Variants in KLHL32 observed in about 807,000 individuals in gnomAD.
The protein encoded by KLHL32 is kelch like family member 32, also known as kelch-like protein 32.
In KLHL32, 35 loss-of-function variants were observed where a neutral mutation model predicts 64.8. That is an observed-to-expected ratio of 0.54 (90% CI 0.41 to 0.72). The LOEUF (loss-of-function observed/expected upper bound fraction) is 0.72. Among genes scored for constraint, KLHL32 ranks in the 30% least tolerant of loss-of-function variants. The pLI, the probability that KLHL32 is intolerant of heterozygous loss-of-function variation, is 0.00. For missense variants in KLHL32, 589 were observed against 768.5 expected, an observed-to-expected ratio of 0.77 and a Z score of 2.76; for synonymous variants, 259 against 281.0, an observed-to-expected ratio of 0.92 and a Z score of 0.78.
the KLHL32 span, among the ~76,000 whole-genome samples, chr6:96,909,641 G>C: frequency 6.6e-6 from 1 of 152,180 alleles, no homozygotes; most frequent in South Asian, 2.1e-4. Context: ...TTAGAGGCAG[G>C]TTCAGGACTA....
At chr6:96,955,872 G>A (rs1356659233) in intron 1 of KLHL32, among the ~76,000 whole-genome samples, 1 of 152,196 alleles carries the variant, frequency 6.6e-6, no homozygotes, top group Non-Finnish European at 1.5e-5. Flanking sequence ...GGGAGGCAGA[G>A]GTTGCAGTGA....
chr6:97,130,370 A>C (rs1799303908), intron 8 of KLHL32, among the ~76,000 whole-genome samples: 1 of 152,158 alleles, frequency 6.6e-6, no homozygotes, highest in South Asian at 2.1e-4. Context: ...TATTTTCTTA[A>C]TCATTGCACC....
At chr6:96,930,065 C>A (rs141682218) in intron 1 of KLHL32, among the ~76,000 whole-genome samples, 23 of 152,246 alleles carry the variant, frequency 1.5e-4, no homozygotes, top group African/African-American at 4.1e-4. Flanking sequence ...CAGGCTACCC[C>A]CTCCCTTCCC....
Position 97,114,110 on chromosome 6 carries a change from CTCATAGCTG to C in KLHL32, c.956_964del (p.Leu319_Ala322delinsPro), listed in dbSNP as rs753180779. 1.9e-6 allele frequency: 3 copies of C among 1,614,192 alleles called. No homozygotes were observed. The South Asian group carries it at 3.3e-5, about 18-fold the overall frequency. On this transcript the variant is annotated inframe_deletion, in exon 7 of 11. Transcript: ENST00000369261. ...CAATCCTGTTGATCAGGAGAATGCT[CTCATAGCTG>C]CCATTGCCAACTGGAGTGAGCTGGC...
At chr6:96,978,149 CTT>C (rs1289494621) in intron 3 of KLHL32, among the ~76,000 whole-genome samples, 2 of 151,664 alleles carry the variant, frequency 1.3e-5, no homozygotes, top group Admixed American at 1.3e-4. Flanking sequence ...TTTTTTTGAA[CTT>C]TTATTTTAGG....
rs1310828173 is a variant in KLHL32, at chr6:97,139,439, T to C, written c.*157T>C. 2.0e-5 allele frequency: 13 copies of C among 643,902 alleles called. No homozygotes were observed. The highest frequency in any genetic ancestry group is 2.9e-5 in the Non-Finnish European group (11 of 382,976). 39.9% of individuals were successfully genotyped at this position (643,902 alleles called of 1,614,324 possible). On this transcript the variant is annotated 3_prime_UTR_variant, in exon 11 of 11. Coordinates refer to ENST00000369261, the MANE Select transcript of KLHL32 (RefSeq NM_052904.4). ...ATGAACAATTTTCTAAAATACGTTA[T>C]TGAAAACTCGTCACCCTTCTCAGTG...
chr6:97,032,065 C>T (rs1783635883), intron 3 of KLHL32, among the ~76,000 whole-genome samples: 1 of 152,210 alleles, frequency 6.6e-6, no homozygotes. Flanking sequence ...GCCTGAGGCT[C>T]AGAGAAGGTA....
chr6:97,116,471 A>G (rs1057023449), intron 7 of KLHL32, among the ~76,000 whole-genome samples: 4 of 152,190 alleles, frequency 2.6e-5, no homozygotes, highest in Non-Finnish European at 4.4e-5. Context: ...TTTTCTCCCA[A>G]TTGACATTCC....
chr6:96,982,811 T>C (rs1413332104), intron 3 of KLHL32, among the ~76,000 whole-genome samples: 1 of 152,248 alleles, frequency 6.6e-6, no homozygotes, highest in Non-Finnish European at 1.5e-5. Flanking sequence ...AGATATACAA[T>C]CATGTCATCT....
At chr6:96,992,298 A>C (rs1227684339) in intron 3 of KLHL32, among the ~76,000 whole-genome samples, 1 of 152,060 alleles carries the variant, frequency 6.6e-6, no homozygotes, top group African/African-American at 2.4e-5. Flanking sequence ...TGACTCACTC[A>C]CCGTTTCCTG....
intron 1 of KLHL32, among the ~76,000 whole-genome samples, chr6:96,930,663 G>A (rs1769755918): frequency 6.6e-6 from 1 of 151,988 alleles, no homozygotes; most frequent in African/African-American, 2.4e-5. Context: ...CCTTGGAGCA[G>A]AGCTACCCTC....
At chr6:96,967,104 C>A (rs1774538844) in intron 2 of KLHL32, 21 bp downstream of exon 2, 1 of 1,611,736 alleles carries the variant, frequency 6.2e-7, no homozygotes, top group African/African-American at 1.3e-5. Flanking sequence ...TAGGATATGT[C>A]CTCACATGCC....
chr6:96,947,345 T>C (rs76092111), intron 1 of KLHL32, among the ~76,000 whole-genome samples: 1 of 152,236 alleles, frequency 6.6e-6, no homozygotes, highest in African/African-American at 2.4e-5. Context: ...AATTCATGAA[T>C]TGTTCATTGC....
intron 1 of KLHL32, 76 bp downstream of exon 1, chr6:96,925,102 G>C (rs958361159): frequency 1.3e-5 from 2 of 152,410 alleles, no homozygotes; most frequent in East Asian, 1.9e-4. Context: ...TGCGCCAAGT[G>C]GGGGCAGACC....
At chr6:97,112,152 C>A (rs1182146394) in intron 6 of KLHL32, among the ~76,000 whole-genome samples, 1 of 152,048 alleles carries the variant, frequency 6.6e-6, no homozygotes, top group Non-Finnish European at 1.5e-5. Flanking sequence ...TCAGTGGGGA[C>A]CCATCTTCTT....
At chr6:96,904,762 T>C in the KLHL32 span, among the ~76,000 whole-genome samples, 4 of 152,224 alleles carry the variant, frequency 2.6e-5, no homozygotes, top group African/African-American at 7.2e-5. Context: ...CTTTATGGTA[T>C]GGTATTGTTA....
intron 3 of KLHL32, among the ~76,000 whole-genome samples, chr6:97,029,536 A>G (rs1783220402): frequency 6.6e-6 from 1 of 152,190 alleles, no homozygotes; most frequent in Non-Finnish European, 1.5e-5. Flanking sequence ...GTATTATTAT[A>G]CTATGGGAGG....
intron 5 of KLHL32, 120 bp downstream of exon 5, chr6:97,064,846 T>C: frequency 1.3e-6 from 1 of 745,780 alleles, no homozygotes. Flanking sequence ...TGGGCTGTGG[T>C]AGTAGAGTTT....
At chr6:97,122,561 T>C (rs895693290) in intron 7 of KLHL32, among the ~76,000 whole-genome samples, 9 of 152,318 alleles carry the variant, frequency 5.9e-5, no homozygotes, top group South Asian at 2.1e-4. Context: ...TAGTGACTAA[T>C]AGGAACTTGC....
Sources: allele counts gnomAD v4.1 joint callset (sites outside exome capture counted in the v4.1 genomes callset), GRCh38; gene constraint gnomAD v4.1.1; transcripts MANE v1.5; gene names NCBI Gene and HGNC (gene_info 2026-07-23, HGNC 2026-07-21).